The following LINS1 variants were observed in gnomAD, a reference collection of about 807,000 sequenced individuals.
The protein encoded by LINS1 is protein Lines homolog 1.
In LINS1, 27 loss-of-function variants were observed where a neutral mutation model predicts 41.6. The ratio of observed to expected loss-of-function variants is 0.65; its 90% CI spans 0.48 to 0.89. The LOEUF is 0.89. Among genes scored for constraint, LINS1 ranks in the 40% least tolerant of loss-of-function variants. LINS1 has a pLI of 0.00. For missense variants in LINS1, 955 were observed against 884.1 expected (o/e 1.08, Z -1.02); for synonymous variants, 336 against 312.9 (o/e 1.07, Z -0.78).
At chr15:100,572,521 G>A in intron 5 of LINS1, 1 of 1,004,554 alleles carries the variant, frequency 1.0e-6, no homozygotes, top group South Asian at 3.9e-5. Context: ...CTACTATTAA[G>A]CACAAAAATA....
chr15:100,577,812 G>A (rs141261828), intron 3 of LINS1, among the ~76,000 whole-genome samples: 3,759 of 152,234 alleles, frequency 0.025, 164 homozygotes, highest in African/African-American at 0.086. Context: ...CATGGTACTC[G>A]TACCAAAACA....
At chr15:100,577,059 C>T (rs1364916233) in intron 3 of LINS1, among the ~76,000 whole-genome samples, 1 of 152,188 alleles carries the variant, frequency 6.6e-6, no homozygotes, top group Non-Finnish European at 1.5e-5. Flanking sequence ...GACAAACCCA[C>T]AGCCAATATC....
At chr15:100,587,235 T>C (rs1196190809) in intron 1 of LINS1, among the ~76,000 whole-genome samples, 3 of 151,194 alleles carry the variant, frequency 2.0e-5, no homozygotes, top group Admixed American at 6.6e-5. Context: ...CCGGATTTAG[T>C]GTGGAGCCAA....
At chr15:100,579,865 C>G (rs1006833592) in intron 3 of LINS1, among the ~76,000 whole-genome samples, 3 of 152,160 alleles carry the variant, frequency 2.0e-5, no homozygotes, top group African/African-American at 7.2e-5. Context: ...GTTATGGAGT[C>G]TGATGTGAAA....
chr15:100,569,349 A>G lies in LINS1; in HGVS notation c.2163T>C (p.Asp721=), dbSNP rs1460597546. ...RIVKCFQELQ[D]AICRLQKKNL... is the part of the protein sequence containing the mutation. Reference sequence around the variant, plus strand: ...TTTTCTTTTGCAAACGGCAGATGGCATCTTGTAGTTCCTGGAAGCATTTTA... The same window carrying G: ...TTTTCTTTTGCAAACGGCAGATGGCGTCTTGTAGTTCCTGGAAGCATTTTA... The change falls in exon 7 of 7, where the codon GAT becomes GAC. Residue 721 remains aspartate (D), a synonymous_variant. Transcript: ENST00000314742. 6.2e-6 allele frequency: 10 copies of G among 1,614,044 alleles called. No individual in the cohort carries two copies. In the African/African-American group the frequency reaches 1.1e-4, roughly 17 times the overall value.
At chr15:100,593,068 T>G (rs1425249322) in intron 1 of LINS1, among the ~76,000 whole-genome samples, 2 of 152,250 alleles carry the variant, frequency 1.3e-5, no homozygotes, top group Non-Finnish European at 1.5e-5. Context: ...CATCTCATTC[T>G]GCATTATCAT....
chr15:100,578,022 T>C (rs2038292730), intron 3 of LINS1, among the ~76,000 whole-genome samples: 1 of 152,078 alleles, frequency 6.6e-6, no homozygotes, highest in Admixed American at 6.6e-5. Flanking sequence ...CAAAAATTAA[T>C]TCAAGATGGA....
rs370997969 is a variant in LINS1 at position 100,574,991 on chromosome 15, T to C, written c.627A>G (p.Lys209=). ...KEIFKDSCSQ[K]TEILKQFLTH... ...ATGGGGCCATGTAATCCATACCTGTTTTCTGTGAACATGAATCTTTAAAGA... is the reference window on the plus strand; with the variant it reads ...ATGGGGCCATGTAATCCATACCTGTCTTCTGTGAACATGAATCTTTAAAGA... The change falls in exon 4 of 7, where the codon AAA becomes AAG. Residue 209 remains lysine, a synonymous_variant. Transcript: ENST00000314742. 8.1e-6 allele frequency: 13 copies of C among 1,612,552 alleles called. No homozygotes were observed. The African/African-American group carries it at 1.7e-4, about 21-fold the overall frequency.
In LINS1 at chr15:100,593,639, G is replaced by C. The variant is rs143032745; in HGVS notation, c.-104+8482C>G. On this transcript the variant is annotated intron_variant, in intron 1 of 6. Transcript: ENST00000314742. The stretch of plus-strand genomic sequence containing the variant: ...GAGATGTTATGTCACAGAGCTTCAG[G>C]GACAGAGTCAGGATGTGAAGCCAGA... 1.2e-3 allele frequency among the ~76,000 whole-genome samples: 177 copies of C among 152,108 alleles called. 1 individual carries two copies. Among genetic ancestry groups the C allele is most frequent in the African/African-American group, 4.0e-3 (165 of 41,470 alleles).
intron 1 of LINS1, among the ~76,000 whole-genome samples, chr15:100,599,052 T>C (rs574211451): frequency 6.6e-6 from 1 of 152,330 alleles, no homozygotes; most frequent in Non-Finnish European, 1.5e-5. Context: ...GGGGCATTTT[T>C]CCAATGACAA....
Position 100,573,832 on chromosome 15 carries a change from C to T in LINS1, c.1041G>A (p.Ser347=), listed in dbSNP as rs35830371. The change falls in exon 5 of 7, where the codon TCG becomes TCA. Residue 347 remains serine, a synonymous_variant. Coordinates refer to ENST00000314742, the MANE Select transcript of LINS1 (RefSeq NM_001040616.3). ...AAACAGACAGTGTCTTCAACAACCC[C>T]GAATTCACAGCTTGCAAAACAGCAT... ...LANAVLQAVN[S]GLLKTLSVYE... 8.7e-6 allele frequency: 14 copies of T among 1,614,068 alleles called. No individual in the cohort carries two copies. Among genetic ancestry groups the T allele is most frequent in the South Asian group, 2.2e-5 (2 of 91,084 alleles).
At position 100,569,181 on chromosome 15, in the gene LINS1, T is replaced by A; in HGVS notation, c.*57A>T. 8.3e-7 allele frequency: 1 copy of A among 1,202,200 alleles called. No homozygotes were observed. Among genetic ancestry groups the A allele is most frequent in the South Asian group, 1.3e-5 (1 of 78,540 alleles). The allele number at this position is 1,202,200 out of a possible 1,614,324, so 74.5% of individuals were successfully genotyped here. A position where few individuals can be genotyped will look rare whatever the true frequency, so the allele number is the denominator to read the frequency against. On this transcript the variant is annotated 3_prime_UTR_variant, in exon 7 of 7. Transcript: ENST00000314742. ...GTGATGATTTTATACTATTACCTCATTGAGACATAATTTATATTAAGGAAA... is the reference window on the plus strand; with the variant it reads ...GTGATGATTTTATACTATTACCTCAATGAGACATAATTTATATTAAGGAAA...
chr15:100,600,927 A>G (rs1453226066), intron 1 of LINS1, among the ~76,000 whole-genome samples: 1 of 152,090 alleles, frequency 6.6e-6, no homozygotes, highest in East Asian at 1.9e-4. Flanking sequence ...AAGGCCCTTC[A>G]AGATCTGACT....
At chr15:100,586,276 T>G (rs968609047) in intron 1 of LINS1, 5 of 152,296 alleles carry the variant, frequency 3.3e-5, no homozygotes, top group African/African-American at 1.2e-4. Context: ...CTTTCTGGAC[T>G]GAACCAATGT....
At chr15:100,587,644 C>G (rs931501989) in intron 1 of LINS1, among the ~76,000 whole-genome samples, 2 of 152,012 alleles carry the variant, frequency 1.3e-5, no homozygotes, top group Non-Finnish European at 2.9e-5. Flanking sequence ...TATTCTGTTT[C>G]CTATGTGTTT....
At chr15:100,573,492 GTTCT>G (rs1430821793) in intron 5 of LINS1, 155 bp downstream of exon 5, 1 of 765,464 alleles carries the variant, frequency 1.3e-6, no homozygotes, top group Non-Finnish European at 2.0e-6. Context: ...GGTAAATCCA[GTTCT>G]TTTTTTTTTT....
chr15:100,590,049 C>G (rs1353494195), intron 1 of LINS1, among the ~76,000 whole-genome samples: 1 of 152,094 alleles, frequency 6.6e-6, no homozygotes, highest in Non-Finnish European at 1.5e-5. Flanking sequence ...TGAGGAGGGT[C>G]CCTCCACACT....
intron 5 of LINS1, 157 bp from the exon 6 acceptor site, chr15:100,572,222 T>C (rs1377558865): frequency 6.8e-7 from 1 of 1,466,974 alleles, no homozygotes; most frequent in African/African-American, 1.4e-5. Context: ...AGCATCTTTA[T>C]TTGGCAAATG....
chr15:100,572,398 A>T, intron 5 of LINS1: 1 of 1,144,168 alleles, frequency 8.7e-7, no homozygotes, highest in Non-Finnish European at 1.1e-6. Context: ...GACAACTAAG[A>T]TCACTTCATC....
Sources: allele counts gnomAD v4.1 joint callset (sites outside exome capture counted in the v4.1 genomes callset), GRCh38; gene constraint gnomAD v4.1.1; transcripts MANE v1.5; gene names NCBI Gene and HGNC (gene_info 2026-07-23, HGNC 2026-07-21).